SLC35D1: variants seen among roughly 807,000 people sequenced by gnomAD.
SLC35D1 encodes nucleotide sugar transporter SLC35D1.
SLC35D1 carries 31 observed loss-of-function variants against 46.7 expected under a neutral mutation model. The observed-to-expected ratio is 0.66, with a 90% CI of 0.50 to 0.90. The LOEUF is 0.90. Among genes scored for constraint, SLC35D1 ranks in the 40% least tolerant of loss-of-function variants. The pLI, the probability that SLC35D1 is intolerant of heterozygous loss-of-function variation, is 0.00. For missense variants in SLC35D1, 397 were observed against 426.2 expected (o/e 0.93, Z 0.60); for synonymous variants, 195 against 164.6 (o/e 1.18, Z -1.41).
At chr1:67,013,507 A>C (rs1337039027) in intron 10 of SLC35D1, among the ~76,000 whole-genome samples, 2 of 152,056 alleles carry the variant, frequency 1.3e-5, no homozygotes, top group Non-Finnish European at 2.9e-5. Context: ...GTGAGCCATG[A>C]TTGTGCCACT....
At chr1:67,040,277 G>A (rs905001648) in intron 8 of SLC35D1, among the ~76,000 whole-genome samples, 34 of 152,168 alleles carry the variant, frequency 2.2e-4, no homozygotes, top group African/African-American at 8.0e-4. Flanking sequence ...ATAGGCGGGA[G>A]CCACTGCACC....
At chr1:67,030,875 G>A (rs911267150) in intron 8 of SLC35D1, among the ~76,000 whole-genome samples, 2 of 152,194 alleles carry the variant, frequency 1.3e-5, no homozygotes, top group African/African-American at 4.8e-5. Context: ...GGTTTACCAA[G>A]TGCTTCTGCA....
At chr1:66,974,668 T>C in the SLC35D1 span, among the ~76,000 whole-genome samples, 1 of 152,078 alleles carries the variant, frequency 6.6e-6, no homozygotes, top group East Asian at 1.9e-4. Flanking sequence ...CTCATAAATA[T>C]TTGGGACAGT....
At position 67,053,305 on chromosome 1, in the gene SLC35D1, C is replaced by A. The variant is rs2250984; in HGVS notation, c.204-316G>T. On this transcript the variant is annotated intron_variant, in intron 1 of 11. Coordinates refer to ENST00000235345, the MANE Select transcript of SLC35D1 (RefSeq NM_015139.3). ...ATTTCACACACCTTAAAAAAAAAAA[C>A]AACCAACTTCTGCCTCTGGGTCCCA... is the stretch of plus-strand genomic sequence containing the variant. Among the ~76,000 whole-genome samples the A allele has an allele frequency of 0.63, 94,836 of 149,960 alleles. 30,226 individuals are homozygous for A. The highest frequency in any genetic ancestry group is 0.75 in the South Asian group (3,570 of 4,764).
rs781025223 is a variant in SLC35D1 at position 67,021,542 on chromosome 1, C to T, written c.790G>A (p.Val264Met). Residue 264 changes from valine to methionine, a missense_variant, in exon 9 of 12, where the codon GTG becomes ATG. Coordinates refer to ENST00000235345, the MANE Select transcript of SLC35D1 (RefSeq NM_015139.3). Reference sequence around the variant, plus strand: ...AAGGTAACAAAGGCTTACCCCATCACACAGGAGAGGGTGAACTGCAGAAGA... The same window carrying T: ...AAGGTAACAAAGGCTTACCCCATCATACAGGAGAGGGTGAACTGCAGAAGA... Reference protein sequence around the residue: ...LFLLQFTLSCVMGFILMYATV... With the variant: ...LFLLQFTLSCMMGFILMYATV... 1.2e-6 allele frequency: 2 copies of T among 1,614,014 alleles called. No individual in the cohort carries two copies. The highest frequency in any genetic ancestry group is 1.1e-5 in the South Asian group (1 of 91,082).
chr1:66,979,311 T>C, the SLC35D1 span, among the ~76,000 whole-genome samples: 80 of 152,340 alleles, frequency 5.3e-4, no homozygotes, highest in African/African-American at 1.9e-3. Context: ...CTAATGTGTT[T>C]AGAGAGAAAT....
At chr1:66,988,302 A>T in the SLC35D1 span, 26 of 152,274 alleles carry the variant, frequency 1.7e-4, no homozygotes, top group Admixed American at 3.9e-4. Context: ...AATTCTACTG[A>T]TACAACTTTT....
chr1:67,040,251 C>T lies in SLC35D1; in HGVS notation c.729+1985G>A, dbSNP rs576361735. 2.7e-4 allele frequency among the ~76,000 whole-genome samples: 41 copies of T among 152,236 alleles called. 1 individual carries two copies. In the South Asian group the frequency reaches 8.1e-3, roughly 30 times the overall value. The stretch of plus-strand genomic sequence containing the variant: ...GGCTCAAGCAATCTGCTCACAACTC[C>T]CCAAGGGCTAGGATTATAGGCGGGA... On this transcript the variant is annotated intron_variant, in intron 8 of 11. Transcript: ENST00000235345.
chr1:67,033,605 T>C (rs930456685), intron 8 of SLC35D1, among the ~76,000 whole-genome samples: 3 of 151,970 alleles, frequency 2.0e-5, no homozygotes, highest in African/African-American at 7.2e-5. Context: ...AGAGCTGTTT[T>C]TCAAATATTT....
At chr1:67,004,502 A>G in intron 11 of SLC35D1, 54 bp from the exon 12 acceptor site, 2 of 1,485,518 alleles carry the variant, frequency 1.3e-6, no homozygotes, top group Non-Finnish European at 1.9e-6. Context: ...TTTTAGTGTA[A>G]ACACTCTACT....
At chr1:66,995,883 G>GA (rs1667233746), downstream of SLC35D1, among the ~76,000 whole-genome samples, 1 of 151,974 alleles carries the variant, frequency 6.6e-6, no homozygotes, top group African/African-American at 2.4e-5. Flanking sequence ...AATATTCACC[G>GA]AAAAAAATTA....
At chr1:66,997,517 A>ATAT (rs1319900394), downstream of SLC35D1, among the ~76,000 whole-genome samples, 628 of 24,072 alleles carry the variant, frequency 0.026, 1 homozygote, top group South Asian at 0.066. Flanking sequence ...AAAAAAAAAA[A>ATAT]AAATATATAT....
At chr1:66,990,418 G>A in the SLC35D1 span, among the ~76,000 whole-genome samples, 2 of 152,138 alleles carry the variant, frequency 1.3e-5, no homozygotes, top group Non-Finnish European at 2.9e-5. Context: ...TGGGACAGGT[G>A]TGCGCCACCA....
chr1:67,014,669 A>ATTTTT (rs1667642143), intron 10 of SLC35D1, among the ~76,000 whole-genome samples: 1 of 50,512 alleles, frequency 2.0e-5, no homozygotes, highest in Non-Finnish European at 3.7e-5. Flanking sequence ...TTCAATTTTT[A>ATTTTT]GTTTTTTTTT....
At position 67,003,562 on chromosome 1, in the gene SLC35D1, C is replaced by T. The variant is rs1322705902; in HGVS notation, c.*778G>A. 1 of 152,440 alleles carries T rather than the reference C, an allele frequency of 6.6e-6. No homozygotes were observed. Among genetic ancestry groups the T allele is most frequent in the Non-Finnish European group, 1.5e-5 (1 of 68,142 alleles). The allele number at this position is 152,440 out of a possible 1,614,324, so 9.4% of individuals were successfully genotyped here. ...GGCAGGAGTGAGATGTTTCAACTAC[C>T]TCTGCAAACATCTCTGTATCCCCAG... On this transcript the variant is annotated 3_prime_UTR_variant, in exon 12 of 12. Transcript: ENST00000235345.
rs1336364304 is a variant in SLC35D1 at position 67,001,121 on chromosome 1, C to G, written c.*3219G>C. ...TAGCAAAATACTTGGCATACAAGAG[C>G]TGCTCACTAAGTCTTTGCTCACTGA... On this transcript the variant is annotated 3_prime_UTR_variant, in exon 12 of 12. Transcript: ENST00000235345. The G allele has an allele frequency of 6.6e-6, 1 of 152,282 alleles. No individual in the cohort carries two copies. Among genetic ancestry groups the G allele is most frequent in the Non-Finnish European group, 1.5e-5 (1 of 68,030 alleles). The allele number at this position is 152,282 out of a possible 1,614,324, so 9.4% of individuals were successfully genotyped here.
At position 67,042,305 on chromosome 1, in the gene SLC35D1, G is replaced by C. The variant is rs1277339639; in HGVS notation, c.660C>G (p.Leu220=). ...GAATCATGAACAGTGCATTGTAATA[G>C]AGCAGTCCATATTTTCCCAGCTCCT... ...DSKELGKYGL[L]YYNALFMILP... is the part of the protein sequence containing the mutation. Residue 220 remains leucine, a synonymous_variant, in exon 8 of 12, where the codon CTC becomes CTG. Transcript: ENST00000235345. 15 of 1,614,124 alleles carry C rather than the reference G, an allele frequency of 9.3e-6. No homozygotes were observed. In the South Asian group the frequency reaches 9.9e-5, roughly 11 times the overall value.
At chr1:67,023,787 T>C (rs1667861478) in intron 8 of SLC35D1, among the ~76,000 whole-genome samples, 1 of 151,406 alleles carries the variant, frequency 6.6e-6, no homozygotes, top group African/African-American at 2.4e-5. Context: ...GTGCCCGGCC[T>C]CTTTTGCCAA....
rs150492296 is a variant in SLC35D1 at position 67,042,196 on chromosome 1, C to T, written c.729+40G>A. The T allele has an allele frequency of 2.1e-3, 3,209 of 1,496,182 alleles. 106 individuals are homozygous for T. In the East Asian group the frequency reaches 0.053, roughly 25 times the overall value. The allele number at this position is 1,496,182 out of a possible 1,614,324, so 92.7% of individuals were successfully genotyped here. ...TTTCATCATAAATAATAATGCAGTTCATCAACGTAAGCCATTAAACCGTAA... is the reference window on the plus strand; with the variant it reads ...TTTCATCATAAATAATAATGCAGTTTATCAACGTAAGCCATTAAACCGTAA... On this transcript the variant is annotated intron_variant, in intron 8 of 11. Coordinates refer to ENST00000235345, the MANE Select transcript of SLC35D1 (RefSeq NM_015139.3).
Sources: gnomAD v4.1 joint callset for allele counts (sites outside exome capture counted in the v4.1 genomes callset) on GRCh38, gnomAD v4.1.1 for gene constraint, MANE v1.5 for transcripts, NCBI Gene and HGNC (gene_info 2026-07-23, HGNC 2026-07-21) for gene names.